The following CROCC variants were observed in gnomAD, a reference collection of about 807,000 sequenced individuals.
The protein encoded by CROCC is rootletin.
Under a neutral mutation model 245.2 loss-of-function variants are expected in CROCC, and 180 were observed. The ratio of observed to expected loss-of-function variants is 0.73; its 90% CI spans 0.65 to 0.83. CROCC has a LOEUF of 0.83. CROCC is among the 40% of genes least tolerant of loss of function. The pLI, the probability that CROCC is intolerant of heterozygous loss-of-function variation, is 0.00. For missense variants in CROCC, 2,688 were observed against 2,779.4 expected (o/e 0.97, Z 0.74); for synonymous variants, 1,205 against 1,241.6 (o/e 0.97, Z 0.62).
chr1:16,926,189 A>G (rs1410227807), intron 3 of CROCC, among the ~76,000 whole-genome samples: 22 of 152,356 alleles, frequency 1.4e-4, no homozygotes, highest in African/African-American at 4.6e-4. Flanking sequence ...TCTATCCACC[A>G]TGGTTTGAAT....
rs1300012566 is a variant in CROCC at position 16,966,281 on chromosome 1, G to A, written c.4697-127G>A. ...GACAGCCTCACCTGTGTGCAGGCCC[G>A]CATACTACGAAGGGTGCAGACAGTC... is the stretch of plus-strand genomic sequence containing the variant. On this transcript the variant is annotated intron_variant, in intron 29 of 36. Coordinates refer to ENST00000375541, the MANE Select transcript of CROCC (RefSeq NM_014675.5). This position sits in a 1 kb window ranked among gnomAD's most constrained non-coding sequence, Gnocchi z 4.8. The A allele has an allele frequency of 1.1e-5, 15 of 1,421,802 alleles. No individual in the cohort carries two copies. Among genetic ancestry groups the A allele is most frequent in the East Asian group, 7.5e-5 (3 of 39,860 alleles). 88.1% of individuals were successfully genotyped at this position (1,421,802 alleles called of 1,614,324 possible).
intron 25 of CROCC, among the ~76,000 whole-genome samples, chr1:16,956,405 G>A (rs985904872): frequency 6.6e-6 from 1 of 152,200 alleles, no homozygotes; most frequent in Non-Finnish European, 1.5e-5. Flanking sequence ...AGGAGCTGGT[G>A]TCCTTGTCCA....
rs1390072351 is a variant in CROCC, at chr1:16,936,805, G to A, written c.1125G>A (p.Val375=). The A allele has an allele frequency of 1.2e-6, 2 of 1,612,144 alleles. No homozygotes were observed. Among genetic ancestry groups the A allele is most frequent in the Non-Finnish European group, 1.7e-6 (2 of 1,179,826 alleles). The change falls in exon 9 of 37, where the codon GTG becomes GTA. Residue 375 remains valine (V), a synonymous_variant. Transcript: ENST00000375541. ...AQLEEQLRDK[V]LREKDLAQQQ... is the part of the protein sequence containing the mutation. The stretch of plus-strand genomic sequence containing the variant: ...TGGAGGAGCAGCTGCGGGACAAGGT[G>A]CTCCGCGAGAAGGACCTGGCGCAGC...
intron 32 of CROCC, among the ~76,000 whole-genome samples, chr1:16,969,551 G>A (rs537331040): frequency 4.7e-4 from 71 of 152,302 alleles, no homozygotes; most frequent in Middle Eastern, 3.4e-3. Flanking sequence ...CAAGGCTACT[G>A]GTATAGACTT....
upstream of CROCC, among the ~76,000 whole-genome samples, chr1:16,918,861 C>T (rs1427624487): frequency 1.6e-4 from 24 of 152,206 alleles, no homozygotes; most frequent in South Asian, 1.2e-3. Context: ...CTCAGCCTCC[C>T]GAGTAGCTGG....
intron 26 of CROCC, among the ~76,000 whole-genome samples, chr1:16,959,947 TAAAAACA>T (rs2076303227): frequency 1.3e-5 from 2 of 149,024 alleles, no homozygotes; most frequent in African/African-American, 5.0e-5. Context: ...GTCAAGCTAT[TAAAAACA>T]AAAAACAAAA....
At chr1:16,927,566 G>A (rs139131226) in intron 3 of CROCC, among the ~76,000 whole-genome samples, 1,930 of 152,142 alleles carry the variant, frequency 0.013, 8 homozygotes, top group Non-Finnish European at 0.021. Flanking sequence ...CGCCTTAGCC[G>A]TTCACGGGAA....
chr1:16,947,973 G>T (rs1168065059), intron 17 of CROCC, among the ~76,000 whole-genome samples: 1 of 152,248 alleles, frequency 6.6e-6, no homozygotes, highest in African/African-American at 2.4e-5. Flanking sequence ...CAAGTAGCAG[G>T]GACTACAGGC....
intron 13 of CROCC, among the ~76,000 whole-genome samples, chr1:16,943,804 C>CT (rs1299900139): frequency 1.3e-5 from 2 of 152,282 alleles, no homozygotes; most frequent in Non-Finnish European, 2.9e-5. Flanking sequence ...GCACAATTGC[C>CT]GTGTGTCCCA....
At chr1:16,953,279 G>A (rs543855526) in intron 20 of CROCC, 23 bp from the exon 21 acceptor site, 6 of 1,556,944 alleles carry the variant, frequency 3.9e-6, no homozygotes, top group South Asian at 1.2e-5. Flanking sequence ...GTGTGTCACA[G>A]GCATCCGGTC....
At chr1:16,926,986 A>G (rs141855776) in intron 3 of CROCC, among the ~76,000 whole-genome samples, 67 of 152,358 alleles carry the variant, frequency 4.4e-4, no homozygotes, top group African/African-American at 1.5e-3. Flanking sequence ...GGTTCTGAGC[A>G]CTGGAGAAGG....
Position 16,954,086 on chromosome 1 carries a change from C to T in CROCC, c.3187-137C>T, listed in dbSNP as rs2076209244. 1.8e-5 allele frequency: 15 copies of T among 837,024 alleles called. No individual in the cohort carries two copies. Among genetic ancestry groups the T allele is most frequent in the Non-Finnish European group, 2.4e-5 (13 of 533,670 alleles). 51.8% of individuals were successfully genotyped at this position (837,024 alleles called of 1,614,324 possible). A position where few individuals can be genotyped will look rare whatever the true frequency, so the allele number is the denominator to read the frequency against. On this transcript the variant is annotated intron_variant, in intron 21 of 36. Transcript: ENST00000375541. This position sits in a 1 kb window ranked among gnomAD's most constrained non-coding sequence, Gnocchi z 4.4. The stretch of plus-strand genomic sequence containing the variant: ...TGTGCCCTTTTCCAGGGCTGCATGT[C>T]TGCCCTGGGTCCACCTGCAGTGGCA...
At chr1:16,923,674 C>CTTTT (rs61063425) in intron 2 of CROCC, among the ~76,000 whole-genome samples, 5,061 of 103,288 alleles carry the variant, frequency 0.049, 2 homozygotes, top group African/African-American at 0.055. Flanking sequence ...ACTATTCTAC[C>CTTTT]TTTTTTTTTT....
At position 16,937,744 on chromosome 1, in the gene CROCC, T is replaced by G. The variant is rs112535576; in HGVS notation, c.1290+7T>G. The G allele has an allele frequency of 2.9e-3, 4,589 of 1,603,372 alleles. No individual in the cohort carries two copies. The African/African-American group carries it at 0.053, about 19-fold the overall frequency. ...TGAGAAGCTTGAGGCCCTGGTGAGC[T>G]GCAGGTGCCCCTGAGATGGGGCAGG... On this transcript the variant is annotated splice_region_variant and intron_variant, in intron 10 of 36. Coordinates refer to ENST00000375541, the MANE Select transcript of CROCC (RefSeq NM_014675.5).
intron 3 of CROCC, among the ~76,000 whole-genome samples, chr1:16,925,405 A>G (rs1255556697): frequency 6.6e-6 from 1 of 152,288 alleles, no homozygotes; most frequent in Non-Finnish European, 1.5e-5. Flanking sequence ...CTGGGGGCAC[A>G]CAGCCAGTTA....
chr1:16,917,255 A>G (rs1310683432), upstream of CROCC, among the ~76,000 whole-genome samples: 1 of 152,304 alleles, frequency 6.6e-6, no homozygotes, highest in Non-Finnish European at 1.5e-5. Context: ...TGTCATCTGT[A>G]AAGTGAGTAG....
chr1:16,929,310 GT>G (rs1200004373), intron 3 of CROCC, among the ~76,000 whole-genome samples: 1 of 152,262 alleles, frequency 6.6e-6, no homozygotes. Context: ...TGACACCTCT[GT>G]TTTGAATGTA....
At position 16,954,285 on chromosome 1, in the gene CROCC, C is replaced by T. The variant is rs2076212614; in HGVS notation, c.3249C>T (p.His1083=). 1 of 1,611,876 alleles carries T rather than the reference C, an allele frequency of 6.2e-7. No homozygotes were observed. The change falls in exon 22 of 37, where the codon CAC becomes CAT. Residue 1083 remains histidine (H), a synonymous_variant. Coordinates refer to ENST00000375541, the MANE Select transcript of CROCC (RefSeq NM_014675.5). This position sits in a 1 kb window ranked among gnomAD's most constrained non-coding sequence, Gnocchi z 4.4. ...ALSEKLMGTR[H]SLATISLEME... is the part of the protein sequence containing the mutation. ...CAGAGAAGTTGATGGGTACACGGCA[C>T]AGCCTGGCCACCATCTCCCTGGAGA...
intron 25 of CROCC, among the ~76,000 whole-genome samples, chr1:16,958,192 A>G (rs2076277109): frequency 1.3e-5 from 2 of 152,200 alleles, no homozygotes; most frequent in Non-Finnish European, 2.9e-5. Context: ...AAACGAGTTA[A>G]TATAACTGAA....
Sources: allele counts gnomAD v4.1 joint callset (sites outside exome capture counted in the v4.1 genomes callset), GRCh38; gene constraint gnomAD v4.1.1; non-coding constraint Gnocchi (gnomAD v3.1); transcripts MANE v1.5; gene names NCBI Gene and HGNC (gene_info 2026-07-23, HGNC 2026-07-21).